The following NTM variants were observed in gnomAD, a reference collection of about 807,000 sequenced individuals.
NTM encodes neurotrimin.
NTM carries 13 observed loss-of-function variants against 42.1 expected under a neutral mutation model. The observed-to-expected ratio is 0.31, with a 90% CI of 0.20 to 0.49. The LOEUF (loss-of-function observed/expected upper bound fraction) is 0.49, where lower values mean the gene tolerates loss of function less well. NTM is among the 20% of genes least tolerant of loss of function. The probability of loss-of-function intolerance (pLI) is 0.99; values close to 1 mark genes in which losing one functional copy is unlikely to be tolerated. For synonymous variants in NTM, 187 were observed against 179.2 expected (o/e 1.04, Z -0.35); for missense variants, 373 against 452.8 (o/e 0.82, Z 1.60).
chr11:132,252,308 G>A (rs949945734), intron 4 of NTM, among the ~76,000 whole-genome samples: 2 of 151,926 alleles, frequency 1.3e-5, no homozygotes, highest in Admixed American at 1.3e-4. Flanking sequence ...TTTCTGACAG[G>A]CATCCTGTAA....
intron 2 of NTM, among the ~76,000 whole-genome samples, chr11:132,047,057 C>G (rs780006758): frequency 5.9e-5 from 9 of 152,188 alleles, no homozygotes; most frequent in African/African-American, 9.6e-5. Flanking sequence ...TGTTCATGGT[C>G]ATATGGTGAC....
At chr11:131,998,861 A>G (rs1197422137) in intron 2 of NTM, among the ~76,000 whole-genome samples, 2 of 152,156 alleles carry the variant, frequency 1.3e-5, no homozygotes, top group Non-Finnish European at 2.9e-5. Flanking sequence ...CCTGGCAGAG[A>G]ACCATACCAG....
At chr11:132,030,982 G>C (rs1231842240) in intron 2 of NTM, among the ~76,000 whole-genome samples, 1 of 152,180 alleles carries the variant, frequency 6.6e-6, no homozygotes, top group Non-Finnish European at 1.5e-5. Flanking sequence ...AGACTGAGGA[G>C]CCAGCAGCTA....
chr11:132,313,280 T>TCAAA (rs2095331597), intron 6 of NTM, among the ~76,000 whole-genome samples: 2 of 151,878 alleles, frequency 1.3e-5, no homozygotes, highest in Non-Finnish European at 2.9e-5. Flanking sequence ...CTCATCATTG[T>TCAAA]CAAACAGCCT....
chr11:132,215,554 A>G (rs1353850608), intron 4 of NTM, among the ~76,000 whole-genome samples: 1 of 152,172 alleles, frequency 6.6e-6, no homozygotes, highest in East Asian at 1.9e-4. Context: ...GGAAACGGAG[A>G]TGGAGGGCCC....
chr11:131,796,019 G>T, intron 1 of NTM: 1 of 985,392 alleles, frequency 1.0e-6, no homozygotes, highest in South Asian at 4.7e-5. Context: ...GGGGCAATCA[G>T]CTGCCAGCCA....
chr11:131,585,885 C>A (rs2058815265), intron 1 of NTM, among the ~76,000 whole-genome samples: 1 of 152,202 alleles, frequency 6.6e-6, no homozygotes, highest in African/African-American at 2.4e-5. Flanking sequence ...TTCCTTTCTT[C>A]TCCCTGCCCA....
At chr11:131,676,734 A>G (rs2071478819) in intron 1 of NTM, among the ~76,000 whole-genome samples, 1 of 143,010 alleles carries the variant, frequency 7.0e-6, no homozygotes. Flanking sequence ...AAATGTAATA[A>G]AAGTAGTGTA....
intron 2 of NTM, among the ~76,000 whole-genome samples, chr11:132,134,167 C>T (rs192526438): frequency 1.3e-5 from 2 of 152,262 alleles, no homozygotes; most frequent in East Asian, 3.9e-4. Flanking sequence ...CAGCCATCCT[C>T]CCACCTTAGC....
chr11:131,954,906 C>T (rs1156241824), intron 2 of NTM, among the ~76,000 whole-genome samples: 1 of 152,078 alleles, frequency 6.6e-6, no homozygotes, highest in East Asian at 1.9e-4. Context: ...TATTTTATTG[C>T]TACACAATAT....
intron 2 of NTM, among the ~76,000 whole-genome samples, chr11:131,972,599 T>C (rs572842314): frequency 5.3e-4 from 81 of 152,288 alleles, no homozygotes; most frequent in African/African-American, 1.9e-3. Context: ...TTTTCATATG[T>C]TGGGTTCCTG....
chr11:131,472,848 C>T (rs535293637), intron 1 of NTM, among the ~76,000 whole-genome samples: 72 of 152,058 alleles, frequency 4.7e-4, no homozygotes, highest in African/African-American at 1.2e-3. Flanking sequence ...TGTCTGACTC[C>T]GAAGCCCACA....
At position 131,697,905 on chromosome 11, in the gene NTM, C is replaced by G. The variant is rs78043814; in HGVS notation, c.83-213659C>G. On this transcript the variant is annotated intron_variant, in intron 1 of 8. Transcript: ENST00000683400. ...GGAGGAAAACGTGGGAACTAGAACT[C>G]GTGTGTGGCCTGGGAAAGAGCATGT... Among the ~76,000 whole-genome samples the G allele has an allele frequency of 7.2e-3, 1,094 of 152,224 alleles. 11 individuals are homozygous for G. The highest frequency in any genetic ancestry group is 0.025 in the African/African-American group (1,039 of 41,508).
intron 3 of NTM, among the ~76,000 whole-genome samples, chr11:132,165,948 A>G (rs1338473953): frequency 6.6e-6 from 1 of 152,170 alleles, no homozygotes; most frequent in Non-Finnish European, 1.5e-5. Flanking sequence ...TGAGAGTTTT[A>G]TAAATAAAAT....
intron 1 of NTM, among the ~76,000 whole-genome samples, chr11:131,449,667 A>G (rs1950336021): frequency 2.6e-5 from 4 of 151,978 alleles, no homozygotes; most frequent in Admixed American, 2.6e-4. Flanking sequence ...TCTTGTGGTA[A>G]TTTCCACCAG....
chr11:132,086,442 T>A (rs2136340807), intron 2 of NTM, among the ~76,000 whole-genome samples: 1 of 152,264 alleles, frequency 6.6e-6, no homozygotes, highest in South Asian at 2.1e-4. Flanking sequence ...CATAAAGGCC[T>A]TTTAAATATA....
chr11:131,716,081 G>T (rs1326177036), intron 1 of NTM, among the ~76,000 whole-genome samples: 1 of 152,182 alleles, frequency 6.6e-6, no homozygotes, highest in Non-Finnish European at 1.5e-5. Context: ...AGAAGTCCAA[G>T]ATCAAGACAC....
intron 2 of NTM, among the ~76,000 whole-genome samples, chr11:132,089,241 GC>G (rs1465799999): frequency 6.6e-6 from 1 of 152,190 alleles, no homozygotes; most frequent in East Asian, 1.9e-4. Flanking sequence ...GTGCACTTTG[GC>G]TTTCACTGGA....
chr11:131,532,471 ATAG>A (rs1483177263), intron 1 of NTM, among the ~76,000 whole-genome samples: 1 of 152,332 alleles, frequency 6.6e-6, no homozygotes, highest in Middle Eastern at 3.4e-3. Flanking sequence ...CTCCTCTGTC[ATAG>A]ACACTGGGTT....
Sources: gnomAD v4.1 joint callset for allele counts (sites outside exome capture counted in the v4.1 genomes callset) on GRCh38, gnomAD v4.1.1 for gene constraint, MANE v1.5 for transcripts, NCBI Gene and HGNC (gene_info 2026-07-23, HGNC 2026-07-21) for gene names.